Variants in CNTNAP2 observed in about 807,000 individuals in gnomAD.
CNTNAP2 encodes contactin associated protein 2.
In CNTNAP2, 98 loss-of-function variants were observed where a neutral mutation model predicts 155.2. The observed-to-expected ratio is 0.63, with a 90% CI of 0.54 to 0.75. The LOEUF is 0.75. CNTNAP2 is among the 30% of genes least tolerant of loss of function. The pLI is 0.00. For synonymous variants in CNTNAP2, 651 were observed against 631.2 expected (o/e 1.03, Z -0.47); for missense variants, 1,727 against 1,688.1 (o/e 1.02, Z -0.40).
intron 9 of CNTNAP2, among the ~76,000 whole-genome samples, chr7:147,309,644 T>C (rs1231426485): frequency 1.3e-5 from 2 of 152,150 alleles, no homozygotes; most frequent in Admixed American, 1.3e-4. Context: ...AAGCAGTACC[T>C]GATTATGCAA....
intron 8 of CNTNAP2, among the ~76,000 whole-genome samples, chr7:147,181,284 G>T (rs944386880): frequency 2.0e-5 from 3 of 152,174 alleles, no homozygotes; most frequent in African/African-American, 7.2e-5. Context: ...TGAATGGACT[G>T]AACAGGAGAG....
intron 13 of CNTNAP2, among the ~76,000 whole-genome samples, chr7:147,854,112 A>G (rs1045314902): frequency 3.9e-5 from 6 of 152,186 alleles, no homozygotes; most frequent in African/African-American, 1.4e-4. Context: ...CTCCACATCA[A>G]TTCGGCCATT....
chr7:147,197,180 T>A (rs537944856), intron 8 of CNTNAP2, among the ~76,000 whole-genome samples: 4 of 152,204 alleles, frequency 2.6e-5, no homozygotes, highest in South Asian at 4.1e-4. Flanking sequence ...AGCCTCTGAT[T>A]GGTTGCTTTC....
intron 1 of CNTNAP2, among the ~76,000 whole-genome samples, chr7:146,336,252 G>A (rs946118065): frequency 2.6e-4 from 39 of 150,534 alleles, no homozygotes; most frequent in Non-Finnish European, 4.1e-4. Context: ...AGTGAGACAA[G>A]TAATCAAAAC....
chr7:146,468,191 A>T (rs189683471), intron 1 of CNTNAP2, among the ~76,000 whole-genome samples: 16 of 152,292 alleles, frequency 1.1e-4, no homozygotes, highest in Admixed American at 9.8e-4. Context: ...TAAGAATAAT[A>T]ACACAGTATG....
chr7:148,138,920 G>C (rs770504250), intron 16 of CNTNAP2, among the ~76,000 whole-genome samples: 20 of 152,246 alleles, frequency 1.3e-4, no homozygotes, highest in Non-Finnish European at 2.6e-4. Flanking sequence ...ATTCTCAAAA[G>C]GTGGTTAAAT....
At chr7:146,848,730 C>A (rs549395739) in intron 3 of CNTNAP2, among the ~76,000 whole-genome samples, 1 of 152,174 alleles carries the variant, frequency 6.6e-6, no homozygotes, top group East Asian at 1.9e-4. Flanking sequence ...TAAATAACTG[C>A]GTTTTTCCTG....
At chr7:148,078,504 G>A (rs1007045793) in intron 15 of CNTNAP2, among the ~76,000 whole-genome samples, 3 of 150,880 alleles carry the variant, frequency 2.0e-5, no homozygotes, top group Admixed American at 1.3e-4. Context: ...ATATTAGGCC[G>A]AGTTTCATTT....
At chr7:146,589,862 G>C (rs1457698399) in intron 1 of CNTNAP2, among the ~76,000 whole-genome samples, 1 of 152,128 alleles carries the variant, frequency 6.6e-6, no homozygotes, top group Non-Finnish European at 1.5e-5. Flanking sequence ...CATGATAGAG[G>C]AAGCAGAGTT....
chr7:147,613,305 T>A (rs1801222021), intron 12 of CNTNAP2, among the ~76,000 whole-genome samples: 1 of 152,020 alleles, frequency 6.6e-6, no homozygotes, highest in South Asian at 2.1e-4. Context: ...TACTGGTCTA[T>A]GTTTCTTGCC....
At chr7:147,512,585 A>T (rs1231585592) in intron 11 of CNTNAP2, among the ~76,000 whole-genome samples, 1 of 152,202 alleles carries the variant, frequency 6.6e-6, no homozygotes, top group Non-Finnish European at 1.5e-5. Context: ...TTAAAAATAC[A>T]TTAGCTTAAA....
chr7:148,160,777 T>C (rs190718910), intron 17 of CNTNAP2, among the ~76,000 whole-genome samples: 1 of 152,316 alleles, frequency 6.6e-6, no homozygotes, highest in Non-Finnish European at 1.5e-5. Context: ...TTGTTTTTCT[T>C]ACCTACCCTG....
At chr7:147,978,356 C>CT (rs1801467303) in intron 15 of CNTNAP2, among the ~76,000 whole-genome samples, 3 of 151,984 alleles carry the variant, frequency 2.0e-5, no homozygotes, top group African/African-American at 4.8e-5. Flanking sequence ...TCACCATAAA[C>CT]CGAGTTTATG....
At chr7:147,506,334 C>A (rs1285061387) in intron 11 of CNTNAP2, among the ~76,000 whole-genome samples, 1 of 152,188 alleles carries the variant, frequency 6.6e-6, no homozygotes, top group Non-Finnish European at 1.5e-5. Flanking sequence ...CGGCTCACTG[C>A]AACCTCCGCC....
At chr7:147,961,061 A>G (rs1383489425) in intron 14 of CNTNAP2, among the ~76,000 whole-genome samples, 1 of 152,100 alleles carries the variant, frequency 6.6e-6, no homozygotes, top group Non-Finnish European at 1.5e-5. Flanking sequence ...TTCTGAATCG[A>G]GTATCTTTTG....
intron 1 of CNTNAP2, among the ~76,000 whole-genome samples, chr7:146,664,619 A>G (rs904426774): frequency 2.0e-5 from 3 of 152,260 alleles, no homozygotes; most frequent in East Asian, 3.9e-4. Flanking sequence ...TCTTTAACAT[A>G]ATTTCTCCAC....
intron 1 of CNTNAP2, among the ~76,000 whole-genome samples, chr7:146,156,375 A>G (rs757227645): frequency 1.3e-5 from 2 of 152,240 alleles, no homozygotes; most frequent in Non-Finnish European, 2.9e-5. Context: ...TATTTAATCC[A>G]TCTTTTGAAA....
intron 3 of CNTNAP2, among the ~76,000 whole-genome samples, chr7:146,959,976 T>A (rs894049062): frequency 6.6e-6 from 1 of 152,126 alleles, no homozygotes; most frequent in Non-Finnish European, 1.5e-5. Flanking sequence ...AAAACTTGGC[T>A]GTCACAGGTA....
chr7:147,300,159 G>T lies in CNTNAP2; in HGVS notation c.1367G>T (p.Gly456Val). 6.2e-7 allele frequency: 1 copy of T among 1,614,010 alleles called. No homozygotes were observed. Among genetic ancestry groups the T allele is most frequent in the Non-Finnish European group, 8.5e-7 (1 of 1,179,940 alleles). The part of the protein sequence containing the change: ...DISSGSGLND[G>V]QWHEVRFLAK... The stretch of plus-strand genomic sequence containing the variant: ...TTACCAGGTTCTGGGTTGAATGATG[G>T]ACAGTGGCACGAGGTTCGCTTCCTA... The change falls in exon 9 of 24, where the codon GGA (glycine) becomes GTA (valine). Residue 456 changes from glycine to valine, a missense_variant. By Grantham distance (109) the Gly-to-Val change is moderately radical. Coordinates refer to ENST00000361727, the MANE Select transcript of CNTNAP2 (RefSeq NM_014141.6).
Sources: gnomAD v4.1 joint callset for allele counts (sites outside exome capture counted in the v4.1 genomes callset) on GRCh38, gnomAD v4.1.1 for gene constraint, MANE v1.5 for transcripts, NCBI Gene and HGNC (gene_info 2026-07-23, HGNC 2026-07-21) for gene names.